Variants in ALPK2 observed in about 807,000 individuals in gnomAD.
ALPK2 encodes alpha-protein kinase 2.
In ALPK2, 127 loss-of-function variants were observed where a neutral mutation model predicts 163.1. The ratio of observed to expected loss-of-function variants is 0.78; its 90% confidence interval spans 0.67 to 0.90. ALPK2 has a LOEUF of 0.90. ALPK2 is among the 40% of genes least tolerant of loss of function. The probability of loss-of-function intolerance (pLI) is 0.00; values close to 1 mark genes in which losing one functional copy is unlikely to be tolerated. For synonymous variants in ALPK2, 953 were observed against 959.1 expected (o/e 0.99, Z 0.12); for missense variants, 2,360 against 2,589.6 (o/e 0.91, Z 1.92).
intron 12 of ALPK2, among the ~76,000 whole-genome samples, chr18:58,496,690 A>G (rs559760510): frequency 6.6e-6 from 1 of 152,350 alleles, no homozygotes; most frequent in African/African-American, 2.4e-5. Flanking sequence ...GCCTTGGGAA[A>G]GGAAGCTGGA....
chr18:58,564,309 A>G (rs1286655036), intron 4 of ALPK2, among the ~76,000 whole-genome samples: 1 of 151,340 alleles, frequency 6.6e-6, no homozygotes, highest in Non-Finnish European at 1.5e-5. Context: ...TTTAGTAGAG[A>G]TGGGGTTTCT....
chr18:58,578,750 A>ATGCGCGCG, intron 4 of ALPK2, 64 bp downstream of exon 4: 2 of 1,261,158 alleles, frequency 1.6e-6, no homozygotes, highest in Non-Finnish European at 2.2e-6. Context: ...ACACACACAC[A>ATGCGCGCG]CACACACACA....
chr18:58,595,083 CGTG>C (rs2052034371), intron 3 of ALPK2, among the ~76,000 whole-genome samples: 1 of 152,166 alleles, frequency 6.6e-6, no homozygotes, highest in Non-Finnish European at 1.5e-5. Context: ...AATGAGCTGA[CGTG>C]GGAGTCACAG....
chr18:58,535,974 G>C lies in ALPK2; in HGVS notation c.4213C>G (p.Pro1405Ala), dbSNP rs1259056159. The change falls in exon 5 of 13, where the codon CCC (proline) becomes GCC (alanine). Residue 1405 changes from proline (P) to alanine (A), a missense_variant. Physicochemically the swap from Pro to Ala is conservative, Grantham distance 27. Coordinates refer to ENST00000361673, the MANE Select transcript of ALPK2 (RefSeq NM_052947.4). The part of the protein sequence containing the change: ...CPKILESSVD[P>A]IDEISVIEYT... Reference sequence around the variant, plus strand: ...TCTATCACACTTATCTCATCAATGGGATCTACAGAGGACTCTAGGATTTTA... The same window carrying C: ...TCTATCACACTTATCTCATCAATGGCATCTACAGAGGACTCTAGGATTTTA... 6.2e-7 allele frequency: 1 copy of C among 1,614,170 alleles called. No individual in the cohort carries two copies.
chr18:58,537,869 G>T lies in ALPK2; in HGVS notation c.2318C>A (p.Ala773Asp). The T allele has an allele frequency of 6.2e-7, 1 of 1,614,194 alleles. No individual in the cohort carries two copies. The highest frequency in any genetic ancestry group is 1.3e-5 in the African/African-American group (1 of 75,042). ...GGGTTCAGGGGAAGCAACAGAGACA[G>T]CCACAGGCTCCCTGAAGTCAGCACG... Reference protein sequence around the residue: ...DARADFREPVAVSVASPEPTD... With the variant: ...DARADFREPVDVSVASPEPTD... Residue 773 changes from alanine (A) to aspartate (D), a missense_variant, in exon 5 of 13, where the codon GCT (alanine) becomes GAT (aspartate). Coordinates refer to ENST00000361673, the MANE Select transcript of ALPK2 (RefSeq NM_052947.4).
chr18:58,600,220 A>G lies in ALPK2; in HGVS notation c.227+7102T>C, dbSNP rs145574668. 4.6e-5 allele frequency among the ~76,000 whole-genome samples: 7 copies of G among 152,056 alleles called. No individual in the cohort carries two copies. In the East Asian group the frequency reaches 1.2e-3, roughly 25 times the overall value. ...CTTAGCTAATTTTTGTATTTTTAGT[A>G]CAGACAGGGTTTCACCATGTTGTCC... On this transcript the variant is annotated intron_variant, in intron 3 of 12. Coordinates refer to ENST00000361673, the MANE Select transcript of ALPK2 (RefSeq NM_052947.4).
chr18:58,613,992 C>T (rs910774103), intron 1 of ALPK2, among the ~76,000 whole-genome samples: 1 of 152,152 alleles, frequency 6.6e-6, no homozygotes. Flanking sequence ...CAAACTGCCC[C>T]TCCATAAAGC....
At chr18:58,543,413 A>G (rs1468232828) in intron 4 of ALPK2, 10 of 985,260 alleles carry the variant, frequency 1.0e-5, no homozygotes, top group Non-Finnish European at 1.2e-5. Context: ...TTGTGGAGGC[A>G]GTCTGTGCGT....
intron 1 of ALPK2, among the ~76,000 whole-genome samples, chr18:58,612,614 G>A (rs990316423): frequency 2.6e-5 from 4 of 152,218 alleles, no homozygotes; most frequent in Non-Finnish European, 4.4e-5. Flanking sequence ...TGTCCTTCAG[G>A]GCTGTGCAGG....
chr18:58,529,011 A>T, intron 6 of ALPK2, 80 bp downstream of exon 6: 1 of 1,567,356 alleles, frequency 6.4e-7, no homozygotes, highest in Non-Finnish European at 8.8e-7. Flanking sequence ...CCTATAATTT[A>T]TTCTTTTTTC....
Position 58,516,998 on chromosome 18 carries a change from A to G in ALPK2, c.5850T>C (p.His1950=). 6 of 1,614,156 alleles carry G rather than the reference A, an allele frequency of 3.7e-6. No individual in the cohort carries two copies. The highest frequency in any genetic ancestry group is 5.1e-6 in the Non-Finnish European group (6 of 1,179,974). ...CATTGTGCACCTTAAGCACACAGGC[A>G]TGGCCAGGTTTGAAGACAGGCATGA... The part of the protein sequence containing the change: ...HGLMPVFKPG[H]ACVLKVHNAI... Residue 1950 remains histidine (H), a synonymous_variant, in exon 9 of 13, where the codon CAT becomes CAC. Transcript: ENST00000361673.
intron 4 of ALPK2, among the ~76,000 whole-genome samples, chr18:58,573,928 A>G: frequency 6.6e-6 from 1 of 152,024 alleles, no homozygotes; most frequent in East Asian, 1.9e-4. Context: ...TCCAGACAGA[A>G]AGATGGACCA....
rs142886523 is a variant in ALPK2 at position 58,489,316 on chromosome 18, G to A, written c.6297-7277C>T. ...TGTGGCATGCTGGTTTCCAAAATAC[G>A]TTCTCATGAGCAACAGTCCCACAAG... On this transcript the variant is annotated intron_variant, in intron 12 of 12. Transcript: ENST00000361673. 6.4e-4 allele frequency among the ~76,000 whole-genome samples: 98 copies of A among 152,240 alleles called. 1 individual carries two copies. The highest frequency in any genetic ancestry group is 6.8e-3 in the Middle Eastern group (2 of 294).
At chr18:58,616,617 G>A (rs1424532337) in intron 1 of ALPK2, among the ~76,000 whole-genome samples, 1 of 152,184 alleles carries the variant, frequency 6.6e-6, no homozygotes, top group East Asian at 1.9e-4. Context: ...CTGACAGGAG[G>A]TGAAGAACTC....
intron 10 of ALPK2, chr18:58,511,958 A>G (rs1293330465): frequency 6.6e-6 from 1 of 152,242 alleles, no homozygotes; most frequent in Non-Finnish European, 1.5e-5. Flanking sequence ...TCTTTGAGAC[A>G]TTCTTTCTAA....
intron 1 of ALPK2, 140 bp downstream of exon 1, chr18:58,628,624 C>T (rs1486944247): frequency 6.6e-6 from 1 of 152,118 alleles, no homozygotes; most frequent in African/African-American, 2.4e-5. Flanking sequence ...CCCAAATATC[C>T]CATATAATCC....
chr18:58,487,140 G>A (rs1332141190), intron 12 of ALPK2, among the ~76,000 whole-genome samples: 1 of 151,406 alleles, frequency 6.6e-6, no homozygotes, highest in African/African-American at 2.4e-5. Context: ...ACCTCAGAAT[G>A]TGACCTTATT....
rs894761213 is a variant in ALPK2, at chr18:58,494,668, C to T, written c.6296+3381G>A. On this transcript the variant is annotated intron_variant, in intron 12 of 12. Coordinates refer to ENST00000361673, the MANE Select transcript of ALPK2 (RefSeq NM_052947.4). The stretch of plus-strand genomic sequence containing the variant: ...ACCAGCCCCCCCATAGAACTTGCGA[C>T]TCTCCCTTTGCATCATGAATGAACT... Among the ~76,000 whole-genome samples the T allele has an allele frequency of 7.9e-5, 12 of 152,220 alleles. No homozygotes were observed. In the South Asian group the frequency reaches 1.9e-3, roughly 24 times the overall value.
intron 1 of ALPK2, among the ~76,000 whole-genome samples, chr18:58,621,644 A>G (rs1010616459): frequency 2.0e-5 from 3 of 152,198 alleles, no homozygotes; most frequent in African/African-American, 4.8e-5. Flanking sequence ...TTGTTTATAC[A>G]TATATTGACT....
Sources: gnomAD v4.1 joint callset for allele counts (sites outside exome capture counted in the v4.1 genomes callset) on GRCh38, gnomAD v4.1.1 for gene constraint, MANE v1.5 for transcripts, NCBI Gene and HGNC (gene_info 2026-07-23, HGNC 2026-07-21) for gene names.